KCNG1: variants seen among roughly 807,000 people sequenced by gnomAD.
KCNG1 encodes potassium voltage-gated channel modifier subfamily G member 1, also known as voltage-gated potassium channel regulatory subunit KCNG1.
Under a neutral mutation model 32.4 loss-of-function variants are expected in KCNG1, and 17 were observed. The observed-to-expected ratio is 0.52, with a 90% CI of 0.36 to 0.79. The LOEUF is 0.79. Among genes scored for constraint, KCNG1 ranks in the 30% least tolerant of loss-of-function variants. KCNG1 has a pLI of 0.00. For missense variants in KCNG1, 441 were observed against 735.2 expected, an observed-to-expected ratio of 0.60 and a Z score of 4.63; for synonymous variants, 358 against 339.9, an observed-to-expected ratio of 1.05 and a Z score of -0.59.
intron 1 of KCNG1, among the ~76,000 whole-genome samples, chr20:51,017,017 G>T (rs913191203): frequency 6.6e-6 from 1 of 152,244 alleles, no homozygotes; most frequent in African/African-American, 2.4e-5. Context: ...ACAAAGGGTT[G>T]TGGCAGACAT....
In KCNG1 at chr20:51,023,048, C is replaced by T. The variant is rs551970876; in HGVS notation, c.-205G>A. ...CGGTCCCGGGGCCCGGCTCAGCTCCCGCCCTCGGAGCCACGGCCGCCCCGT... is the reference window on the plus strand; with the variant it reads ...CGGTCCCGGGGCCCGGCTCAGCTCCTGCCCTCGGAGCCACGGCCGCCCCGT... On this transcript the variant is annotated 5_prime_UTR_variant, in exon 1 of 3. Coordinates refer to ENST00000371571, the MANE Select transcript of KCNG1 (RefSeq NM_002237.4). 7 of 152,254 alleles carry T rather than the reference C, an allele frequency of 4.6e-5. No homozygotes were observed. In the South Asian group the frequency reaches 6.2e-4, roughly 14 times the overall value. 9.4% of individuals were successfully genotyped at this position (152,254 alleles called of 1,614,324 possible).
At chr20:51,014,169 T>C (rs1030878059) in intron 1 of KCNG1, 8 of 152,180 alleles carry the variant, frequency 5.3e-5, no homozygotes, top group African/African-American at 1.9e-4. Context: ...GACCTTGTTC[T>C]CAAAGCCAGA....
In KCNG1 at chr20:51,010,191, C is replaced by A; in HGVS notation, c.148G>T (p.Asp50Tyr). 6.3e-7 allele frequency: 1 copy of A among 1,597,472 alleles called. No individual in the cohort carries two copies. Among genetic ancestry groups the A allele is most frequent in the Non-Finnish European group, 8.5e-7 (1 of 1,172,418 alleles). Residue 50 changes from aspartate to tyrosine, a missense_variant, in exon 2 of 3, where the codon GAT becomes TAT. Transcript: ENST00000371571. ...GGCTGACAGCCCTGGCGGGGCTCATCCTGCGGCCGCAGCCGCTGCGCCCGG... is the reference window on the plus strand; with the variant it reads ...GGCTGACAGCCCTGGCGGGGCTCATACTGCGGCCGCAGCCGCTGCGCCCGG... Reference protein sequence around the residue: ...YRRAQRLRPQDEPRQGCQPED... With the variant: ...YRRAQRLRPQYEPRQGCQPED...
chr20:51,020,753 G>T (rs769067375), intron 1 of KCNG1, among the ~76,000 whole-genome samples: 1 of 152,128 alleles, frequency 6.6e-6, no homozygotes, highest in African/African-American at 2.4e-5. Context: ...CCGAGCCAAG[G>T]TACCTACTGC....
chr20:51,009,091 T>C (rs1192814033), intron 2 of KCNG1, among the ~76,000 whole-genome samples: 1 of 152,210 alleles, frequency 6.6e-6, no homozygotes. Flanking sequence ...CACATATACC[T>C]ATCAATAAAA....
intron 1 of KCNG1, among the ~76,000 whole-genome samples, chr20:51,016,718 C>T (rs947247776): frequency 2.6e-5 from 4 of 152,224 alleles, no homozygotes; most frequent in Non-Finnish European, 5.9e-5. Context: ...ATGCACTTGG[C>T]TCCATGCCTG....
chr20:51,017,623 G>A (rs574480340), intron 1 of KCNG1, among the ~76,000 whole-genome samples: 29 of 152,338 alleles, frequency 1.9e-4, no homozygotes, highest in African/African-American at 7.0e-4. Flanking sequence ...GGGGTGCTCG[G>A]TGGAGATACA....
chr20:51,003,930 C>A lies in KCNG1; in HGVS notation c.*109G>T. 1 of 1,272,244 alleles carries A rather than the reference C, an allele frequency of 7.9e-7. No homozygotes were observed. Among genetic ancestry groups the A allele is most frequent in the Non-Finnish European group, 1.1e-6 (1 of 920,450 alleles). The allele number at this position is 1,272,244 out of a possible 1,614,324, so 78.8% of individuals were successfully genotyped here. A position where few individuals can be genotyped will look rare whatever the true frequency, so the allele number is the denominator to read the frequency against. ...TTCCCCGGGTGCGTGGGAGTCGGTGCTGCGCCAGGACTGCACTCGGAAGCG... is the reference window on the plus strand; with the variant it reads ...TTCCCCGGGTGCGTGGGAGTCGGTGATGCGCCAGGACTGCACTCGGAAGCG... On this transcript the variant is annotated 3_prime_UTR_variant, in exon 3 of 3. Transcript: ENST00000371571.
intron 1 of KCNG1, among the ~76,000 whole-genome samples, chr20:51,011,973 T>C (rs966253310): frequency 3.3e-5 from 5 of 152,202 alleles, no homozygotes; most frequent in African/African-American, 1.2e-4. Flanking sequence ...TTTTGTATTT[T>C]TAGTAGACAT....
At chr20:51,011,033 C>A (rs549780541) in intron 1 of KCNG1, among the ~76,000 whole-genome samples, 1 of 152,224 alleles carries the variant, frequency 6.6e-6, no homozygotes, top group South Asian at 2.1e-4. Context: ...CTGCTGGCGC[C>A]CTGCTCTCAG....
intron 1 of KCNG1, among the ~76,000 whole-genome samples, chr20:51,016,705 G>A (rs1221657618): frequency 1.3e-5 from 2 of 152,218 alleles, no homozygotes; most frequent in Non-Finnish European, 2.9e-5. Context: ...GATGGCACAG[G>A]TGATGCACTT....
rs1243261394 is a variant in KCNG1, at chr20:51,015,549, A to G, written c.-26-5185T>C. Among the ~76,000 whole-genome samples the G allele has an allele frequency of 6.6e-6, 1 of 152,192 alleles. No homozygotes were observed. The highest frequency in any genetic ancestry group is 1.9e-4 in the East Asian group (1 of 5,192). On this transcript the variant is annotated intron_variant, in intron 1 of 2. Transcript: ENST00000371571. This position sits in a 1 kb window ranked among gnomAD's most constrained non-coding sequence, Gnocchi z 4.4. Reference sequence around the variant, plus strand: ...GGCCAGGGTAGTAGAGCTATGGTGAAGTCAGAGGTGGGGGCCTCACCTGTG... The same window carrying G: ...GGCCAGGGTAGTAGAGCTATGGTGAGGTCAGAGGTGGGGGCCTCACCTGTG...
chr20:51,019,218 A>G (rs1281162604), intron 1 of KCNG1, among the ~76,000 whole-genome samples: 1 of 152,184 alleles, frequency 6.6e-6, no homozygotes, highest in East Asian at 1.9e-4. Flanking sequence ...AAACTATGAG[A>G]TAATAAATTC....
Position 51,004,537 on chromosome 20 carries a change from C to T in KCNG1, c.1044G>A (p.Leu348=), listed in dbSNP as rs374114511. 44 of 1,587,330 alleles carry T rather than the reference C, an allele frequency of 2.8e-5. No homozygotes were observed. The African/African-American group carries it at 4.3e-4, about 15-fold the overall frequency. ...CCAGGCGCATCACGTACAGGATGCG[C>T]AGCGCCCGCAGCACGCGCAGCACCA... The part of the protein sequence containing the change: ...VGLVLRVLRA[L]RILYVMRLAR... Residue 348 remains leucine (L), a synonymous_variant, in exon 3 of 3, where the codon CTG becomes CTA. Coordinates refer to ENST00000371571, the MANE Select transcript of KCNG1 (RefSeq NM_002237.4). The surrounding 1 kb of genome is among the most constrained non-coding windows in gnomAD (Gnocchi z 4.3).
At chr20:51,018,640 C>T (rs1988364192) in intron 1 of KCNG1, among the ~76,000 whole-genome samples, 1 of 152,226 alleles carries the variant, frequency 6.6e-6, no homozygotes, top group African/African-American at 2.4e-5. Flanking sequence ...TCACTAAGTG[C>T]CAGGTGCTGT....
intron 2 of KCNG1, among the ~76,000 whole-genome samples, chr20:51,009,231 G>T (rs1281589292): frequency 6.6e-6 from 1 of 152,144 alleles, no homozygotes; most frequent in South Asian, 2.1e-4. Context: ...GGCCAGGCAC[G>T]TCAAAAATCA....
intron 2 of KCNG1, chr20:51,006,152 C>T (rs1168909527): frequency 6.6e-6 from 1 of 152,240 alleles, no homozygotes; most frequent in African/African-American, 2.4e-5. Flanking sequence ...CCTGTCTCCC[C>T]TGTAGTGCCT....
chr20:51,022,203 C>G (rs1325658063), intron 1 of KCNG1, among the ~76,000 whole-genome samples: 1 of 151,412 alleles, frequency 6.6e-6, no homozygotes, highest in African/African-American at 2.4e-5. Flanking sequence ...AGGTGCTCAA[C>G]CAATCTTTGT....
rs916410355 is a variant in KCNG1, at chr20:51,004,517, C to T, written c.1064G>A (p.Arg355His). The T allele has an allele frequency of 1.3e-6, 2 of 1,591,338 alleles. No individual in the cohort carries two copies. The highest frequency in any genetic ancestry group is 1.7e-6 in the Non-Finnish European group (2 of 1,169,922). Residue 355 changes from arginine (R) to histidine (H), a missense_variant, in exon 3 of 3, where the codon CGC becomes CAC. Around this residue, in one of 6 missense-constraint regions of KCNG1, gnomAD observed 169 missense variants for 297.7 expected, o/e 0.57. Transcript: ENST00000371571. This position sits in a 1 kb window ranked among gnomAD's most constrained non-coding sequence, Gnocchi z 4.3. ...CAGCCCCAGGGAGTGGCGCGCCAGG[C>T]GCATCACGTACAGGATGCGCAGCGC... ...LRALRILYVM[R>H]LARHSLGLQT...
Sources: gnomAD v4.1 joint callset for allele counts (sites outside exome capture counted in the v4.1 genomes callset) on GRCh38, gnomAD v4.1.1 for gene constraint, gnomAD v4.1.1 regional missense constraint, Gnocchi (gnomAD v3.1) non-coding constraint, MANE v1.5 for transcripts, NCBI Gene and HGNC (gene_info 2026-07-23, HGNC 2026-07-21) for gene names.